The following DAAM1 variants were observed in gnomAD, a reference collection of about 807,000 sequenced individuals.
DAAM1 encodes dishevelled associated activator of morphogenesis 1, also known as disheveled-associated activator of morphogenesis 1.
DAAM1 carries 52 observed loss-of-function variants against 130.0 expected under a neutral mutation model. That is an observed-to-expected ratio of 0.40 (90% CI 0.32 to 0.50). DAAM1 has a LOEUF of 0.50. Among genes scored for constraint, DAAM1 ranks in the 20% least tolerant of loss-of-function variants. DAAM1 has a pLI of 0.61. For synonymous variants in DAAM1, 452 were observed against 444.5 expected (o/e 1.02, Z -0.21); for missense variants, 1,134 against 1,303.8 (o/e 0.87, Z 2.01).
Position 59,355,592 on chromosome 14 carries a change from T to C in DAAM1, c.2525+259T>C, listed in dbSNP as rs138568363. ...ACTGGGACATCATCTGTTCTAAGTTTTGCTGTTGTTTTTGTTTTGTCCTGC... is the reference window on the plus strand; with the variant it reads ...ACTGGGACATCATCTGTTCTAAGTTCTGCTGTTGTTTTTGTTTTGTCCTGC... On this transcript the variant is annotated intron_variant, in intron 20 of 24. Coordinates refer to ENST00000360909, the MANE Select transcript of DAAM1 (RefSeq NM_001270520.2). 1.7e-3 allele frequency among the ~76,000 whole-genome samples: 254 copies of C among 152,348 alleles called. 2 individuals are homozygous for C. Among genetic ancestry groups the C allele is most frequent in the Non-Finnish European group, 3.1e-3 (208 of 68,034 alleles).
At chr14:59,204,828 T>C (rs1352514121) in intron 1 of DAAM1, among the ~76,000 whole-genome samples, 6 of 152,160 alleles carry the variant, frequency 3.9e-5, no homozygotes, top group African/African-American at 1.4e-4. Context: ...GGTCAGGAGT[T>C]CGAGACCAGC....
At chr14:59,240,830 A>G (rs1346207922) in intron 1 of DAAM1, among the ~76,000 whole-genome samples, 1 of 152,246 alleles carries the variant, frequency 6.6e-6, no homozygotes, top group Non-Finnish European at 1.5e-5. Context: ...AGCCAATGCC[A>G]TGTGTCCATC....
intron 1 of DAAM1, among the ~76,000 whole-genome samples, chr14:59,215,986 C>T (rs533769276): frequency 2.6e-5 from 4 of 152,212 alleles, no homozygotes; most frequent in East Asian, 1.9e-4. Flanking sequence ...GGCTTGTTTG[C>T]GAGGGTAGAT....
chr14:59,330,811 C>A, intron 13 of DAAM1, 123 bp downstream of exon 13: 1 of 1,014,478 alleles, frequency 9.9e-7, no homozygotes, highest in Non-Finnish European at 1.4e-6. Context: ...TGATTCATCA[C>A]AATTAGGAGA....
At chr14:59,201,627 TCA>T (rs1348625365) in intron 1 of DAAM1, among the ~76,000 whole-genome samples, 5 of 151,950 alleles carry the variant, frequency 3.3e-5, no homozygotes, top group Non-Finnish European at 7.4e-5. Flanking sequence ...ACGCCCTGCC[TCA>T]CCCCCCTTCT....
At chr14:59,301,387 T>C (rs868774944) in intron 3 of DAAM1, among the ~76,000 whole-genome samples, 1 of 152,074 alleles carries the variant, frequency 6.6e-6, no homozygotes, top group Non-Finnish European at 1.5e-5. Flanking sequence ...TTGAACGAAT[T>C]GTTCATATCG....
chr14:59,337,162 T>C (rs1404875535), intron 15 of DAAM1, among the ~76,000 whole-genome samples: 4 of 152,064 alleles, frequency 2.6e-5, no homozygotes, highest in Non-Finnish European at 4.4e-5. Flanking sequence ...AGAAAAAAAA[T>C]AGGTTAAGAT....
Position 59,188,761 on chromosome 14 carries a change from C to T in DAAM1, c.-45C>T, listed in dbSNP as rs1489655869. On this transcript the variant is annotated 5_prime_UTR_variant, in exon 1 of 25. Transcript: ENST00000360909. ...GAGCCGCCTTTCCAGCATGCAGGGG[C>T]TGCTCAGGTAAGGGGGACGCTCCTC... The T allele has an allele frequency of 6.5e-6, 1 of 153,034 alleles. No individual in the cohort carries two copies. The highest frequency in any genetic ancestry group is 1.5e-5 in the Non-Finnish European group (1 of 68,358). 9.5% of individuals were successfully genotyped at this position (153,034 alleles called of 1,614,324 possible). A position where few individuals can be genotyped will look rare whatever the true frequency, so the allele number is the denominator to read the frequency against.
chr14:59,285,248 A>T (rs1883391524), intron 2 of DAAM1, among the ~76,000 whole-genome samples: 1 of 152,202 alleles, frequency 6.6e-6, no homozygotes, highest in African/African-American at 2.4e-5. Flanking sequence ...TCGTTTTCAG[A>T]CAAGCAAATG....
At chr14:59,204,575 A>G (rs1218272422) in intron 1 of DAAM1, among the ~76,000 whole-genome samples, 1 of 152,242 alleles carries the variant, frequency 6.6e-6, no homozygotes, top group Non-Finnish European at 1.5e-5. Flanking sequence ...GTGGTATCTC[A>G]TCATAGTGAC....
intron 23 of DAAM1, among the ~76,000 whole-genome samples, chr14:59,366,800 G>C (rs1886932785): frequency 6.6e-6 from 1 of 152,048 alleles, no homozygotes; most frequent in African/African-American, 2.4e-5. Context: ...TATAGTCCCA[G>C]CTACTCGTGA....
intron 2 of DAAM1, among the ~76,000 whole-genome samples, chr14:59,285,671 CAAAG>C (rs767338969): frequency 1.1e-4 from 16 of 152,064 alleles, no homozygotes; most frequent in Non-Finnish European, 2.1e-4. Context: ...TCAAAAAGGA[CAAAG>C]AAAGGCATTG....
intron 1 of DAAM1, among the ~76,000 whole-genome samples, chr14:59,259,379 ATGAGCTT>A (rs1882061883): frequency 6.6e-6 from 1 of 152,234 alleles, no homozygotes; most frequent in Non-Finnish European, 1.5e-5. Flanking sequence ...ATAGCTGGAA[ATGAGCTT>A]TGAAGGCTGA....
chr14:59,354,441 T>C (rs555036009), intron 19 of DAAM1, among the ~76,000 whole-genome samples: 7 of 152,310 alleles, frequency 4.6e-5, no homozygotes, highest in African/African-American at 1.7e-4. Flanking sequence ...CAGTGCTTGA[T>C]GCACTGCCCT....
At chr14:59,253,786 C>T (rs1170572806) in intron 1 of DAAM1, among the ~76,000 whole-genome samples, 1 of 152,216 alleles carries the variant, frequency 6.6e-6, no homozygotes, top group South Asian at 2.1e-4. Context: ...GGGACCCTGT[C>T]TAGGCCTCAC....
At chr14:59,347,819 A>C (rs1325673586) in intron 17 of DAAM1, among the ~76,000 whole-genome samples, 196 bp downstream of exon 17, 1 of 152,194 alleles carries the variant, frequency 6.6e-6, no homozygotes, top group Non-Finnish European at 1.5e-5. Context: ...CTGATGGGTG[A>C]GAAAGAAGAT....
At position 59,330,665 on chromosome 14, in the gene DAAM1, G is replaced by A. The variant is rs1885393175; in HGVS notation, c.1537G>A (p.Ala513Thr). Residue 513 changes from alanine (A) to threonine (T), a missense_variant, in exon 13 of 25, where the codon GCA becomes ACA. By Grantham distance (58) the Ala-to-Thr change is moderately conservative. Around this residue, in one of 3 missense-constraint regions of DAAM1, gnomAD observed 644 missense variants for 695.9 expected, o/e 0.93. Coordinates refer to ENST00000360909, the MANE Select transcript of DAAM1 (RefSeq NM_001270520.2). ...CAAGCAGCAGGTGGCGGACCTCACAGCACAGCTCCATGAGCTCAGCAGGGT... is the reference window on the plus strand; with the variant it reads ...CAAGCAGCAGGTGGCGGACCTCACAACACAGCTCCATGAGCTCAGCAGGGT... ...QVKQQVADLT[A>T]QLHELSRRAV... 3 of 1,612,518 alleles carry A rather than the reference G, an allele frequency of 1.9e-6. No homozygotes were observed. The highest frequency in any genetic ancestry group is 2.5e-6 in the Non-Finnish European group (3 of 1,179,468).
intron 1 of DAAM1, among the ~76,000 whole-genome samples, chr14:59,195,264 C>G (rs993078766): frequency 4.0e-5 from 6 of 151,730 alleles, no homozygotes; most frequent in South Asian, 2.1e-4. Flanking sequence ...CTGCCTCAGC[C>G]TCCTGAGTAG....
intron 3 of DAAM1, among the ~76,000 whole-genome samples, chr14:59,307,649 C>G (rs1033823674): frequency 2.3e-4 from 35 of 152,158 alleles, no homozygotes; most frequent in African/African-American, 8.4e-4. Flanking sequence ...CTGCATAAAC[C>G]AAAGAAAAGG....
Sources: allele counts gnomAD v4.1 joint callset (sites outside exome capture counted in the v4.1 genomes callset), GRCh38; gene constraint gnomAD v4.1.1; regional missense constraint gnomAD v4.1.1; transcripts MANE v1.5; gene names NCBI Gene and HGNC (gene_info 2026-07-23, HGNC 2026-07-21).